The following CBFA2T2 variants were observed in gnomAD, a reference collection of about 807,000 sequenced individuals.
The protein encoded by CBFA2T2 is protein CBFA2T2.
In CBFA2T2, 11 loss-of-function variants were observed where a neutral mutation model predicts 62.2. The ratio of observed to expected loss-of-function variants is 0.18; its 90% CI spans 0.11 to 0.29. The LOEUF (loss-of-function observed/expected upper bound fraction) is 0.29, where lower values mean the gene tolerates loss of function less well. CBFA2T2 is among the 10% of genes least tolerant of loss of function. The pLI is 1.00. For synonymous variants in CBFA2T2, 295 were observed against 287.5 expected, an observed-to-expected ratio of 1.03 and a Z score of -0.27; for missense variants, 592 against 774.1, an observed-to-expected ratio of 0.76 and a Z score of 2.79.
intron 1 of CBFA2T2, among the ~76,000 whole-genome samples, chr20:33,544,329 C>CT (rs2012478297): frequency 6.6e-6 from 1 of 152,106 alleles, no homozygotes; most frequent in East Asian, 1.9e-4. Flanking sequence ...CTAGACAATT[C>CT]TTTTTTCACC....
chr20:33,575,975 G>A (rs2013807036), intron 1 of CBFA2T2, among the ~76,000 whole-genome samples: 1 of 151,394 alleles, frequency 6.6e-6, no homozygotes, highest in Non-Finnish European at 1.5e-5. Flanking sequence ...TTTTAGTAGA[G>A]ACGGGGTTTC....
At chr20:33,631,975 A>G (rs576193948) in intron 8 of CBFA2T2, among the ~76,000 whole-genome samples, 4 of 152,226 alleles carry the variant, frequency 2.6e-5, no homozygotes, top group Non-Finnish European at 5.9e-5. Flanking sequence ...TGATTACATG[A>G]GGAGCTTGGG....
chr20:33,506,137 G>T (rs540201436), intron 1 of CBFA2T2, among the ~76,000 whole-genome samples: 4 of 152,136 alleles, frequency 2.6e-5, no homozygotes, highest in African/African-American at 7.2e-5. Context: ...GCTGGGTATG[G>T]TGGCTCAAGC....
chr20:33,529,781 A>G (rs1448895761), intron 1 of CBFA2T2, among the ~76,000 whole-genome samples: 1 of 50,316 alleles, frequency 2.0e-5, no homozygotes, highest in Non-Finnish European at 4.6e-5. Flanking sequence ...ATATATATAT[A>G]TTTCTTTTTT....
chr20:33,620,989 G>C (rs2015938977), intron 4 of CBFA2T2, among the ~76,000 whole-genome samples: 1 of 152,098 alleles, frequency 6.6e-6, no homozygotes, highest in African/African-American at 2.4e-5. Flanking sequence ...ACTTGGGAGG[G>C]AGCATAGTTC....
chr20:33,635,396 G>A (rs994721257), intron 8 of CBFA2T2, among the ~76,000 whole-genome samples: 1 of 152,188 alleles, frequency 6.6e-6, no homozygotes, highest in African/African-American at 2.4e-5. Context: ...CACAAGAAAG[G>A]AAGGAAAGGA....
At chr20:33,537,090 G>T (rs551442048) in intron 1 of CBFA2T2, among the ~76,000 whole-genome samples, 1 of 152,342 alleles carries the variant, frequency 6.6e-6, no homozygotes, top group East Asian at 1.9e-4. Context: ...CGGGGTGGTG[G>T]CCGGGCAGAG....
Position 33,570,845 on chromosome 20 carries a change from A to G in CBFA2T2, c.35-36111A>G, listed in dbSNP as rs2013533531. On this transcript the variant is annotated intron_variant, in intron 1 of 10. Coordinates refer to ENST00000342704, the MANE Select transcript of CBFA2T2 (RefSeq NM_001032999.3). ...TCTCATTCCTAGGGCTAATGCCACAATGAAACTGGAAATAAGTTTTCTTGC... is the reference window on the plus strand; with the variant it reads ...TCTCATTCCTAGGGCTAATGCCACAGTGAAACTGGAAATAAGTTTTCTTGC... 1.3e-5 allele frequency among the ~76,000 whole-genome samples: 2 copies of G among 152,344 alleles called. 1 individual carries two copies. Among genetic ancestry groups the G allele is most frequent in the South Asian group, 4.1e-4 (2 of 4,828 alleles).
intron 1 of CBFA2T2, among the ~76,000 whole-genome samples, chr20:33,529,885 A>G (rs1211690261): frequency 3.3e-5 from 5 of 149,978 alleles, no homozygotes; most frequent in South Asian, 2.1e-4. Context: ...CCTGGGTTCA[A>G]TTGATTCTCC....
intron 3 of CBFA2T2, among the ~76,000 whole-genome samples, chr20:33,616,408 A>T (rs1449910163): frequency 2.6e-5 from 4 of 152,212 alleles, no homozygotes; most frequent in Non-Finnish European, 5.9e-5. Flanking sequence ...ATGAAAATAC[A>T]CATATGGCAA....
intron 1 of CBFA2T2, among the ~76,000 whole-genome samples, chr20:33,496,259 G>A (rs2146843383): frequency 6.6e-6 from 1 of 152,274 alleles, no homozygotes; most frequent in East Asian, 1.9e-4. Flanking sequence ...GGACCTACAG[G>A]GAACCTGATT....
chr20:33,606,352 G>C (rs1390984445), intron 1 of CBFA2T2, among the ~76,000 whole-genome samples: 1 of 152,108 alleles, frequency 6.6e-6, no homozygotes, highest in African/African-American at 2.4e-5. Context: ...TCTTGACCTT[G>C]TTTCCTCATT....
chr20:33,529,746 TATATATATATATA>T (rs1483110718), intron 1 of CBFA2T2, among the ~76,000 whole-genome samples: 20,117 of 129,172 alleles, frequency 0.16, 2,518 homozygotes, highest in South Asian at 0.25. Flanking sequence ...AAAGCAGTTA[TATATATATATATA>T]TATATATATA....
At chr20:33,592,152 C>T (rs1357848322) in intron 1 of CBFA2T2, among the ~76,000 whole-genome samples, 1 of 151,900 alleles carries the variant, frequency 6.6e-6, no homozygotes, top group East Asian at 1.9e-4. Flanking sequence ...CACGTGATAT[C>T]AGGAGTTTGA....
In CBFA2T2 at chr20:33,490,244, G is replaced by A; in HGVS notation, c.-24G>A. On this transcript the variant is annotated 5_prime_UTR_variant, in exon 1 of 11. Coordinates refer to ENST00000342704, the MANE Select transcript of CBFA2T2 (RefSeq NM_001032999.3). ...ACCCGTGTCGCGGGTAGAGGCGGGC[G>A]GCGCGCGGCGGCGGCGCTCGGCGAT... 1.6e-6 allele frequency: 2 copies of A among 1,231,674 alleles called. No individual in the cohort carries two copies. The highest frequency in any genetic ancestry group is 1.0e-6 in the Non-Finnish European group (1 of 987,252). 76.3% of individuals were successfully genotyped at this position (1,231,674 alleles called of 1,614,324 possible).
At chr20:33,607,675 C>T (rs1040010671) in intron 2 of CBFA2T2, among the ~76,000 whole-genome samples, 6 of 152,126 alleles carry the variant, frequency 3.9e-5, no homozygotes, top group African/African-American at 1.4e-4. Context: ...GTCTTTCCTC[C>T]ATTTTGCGTC....
At chr20:33,613,078 A>G (rs2015585378) in intron 3 of CBFA2T2, among the ~76,000 whole-genome samples, 1 of 152,258 alleles carries the variant, frequency 6.6e-6, no homozygotes, top group Non-Finnish European at 1.5e-5. Flanking sequence ...ATCTCAAAAC[A>G]TAAATTTAAA....
intron 1 of CBFA2T2, among the ~76,000 whole-genome samples, chr20:33,510,403 G>A (rs907928008): frequency 6.6e-6 from 1 of 151,194 alleles, no homozygotes; most frequent in African/African-American, 2.4e-5. Context: ...TAGTAGAGAC[G>A]GGGTTTCAGT....
Position 33,494,241 on chromosome 20 carries a change from GTGTATATATATA to G in CBFA2T2, c.34+3942_34+3953del, listed in dbSNP as rs1439923122. Among the ~76,000 whole-genome samples the G allele has an allele frequency of 2.9e-3, 121 of 41,890 alleles. 8 individuals are homozygous for G. Among genetic ancestry groups the G allele is most frequent in the African/African-American group, 8.3e-3 (93 of 11,270 alleles). 27.5% of individuals were successfully genotyped at this position (41,890 alleles called of 152,430 possible). On this transcript the variant is annotated intron_variant, in intron 1 of 10. Transcript: ENST00000342704. ...TGTACTATGTATTAGGCATATATAT[GTGTATATATATA>G]TATATATATATATATATATATTTTT... is the stretch of plus-strand genomic sequence containing the variant.
Sources: gnomAD v4.1 joint callset for allele counts (sites outside exome capture counted in the v4.1 genomes callset) on GRCh38, gnomAD v4.1.1 for gene constraint, MANE v1.5 for transcripts, NCBI Gene and HGNC (gene_info 2026-07-23, HGNC 2026-07-21) for gene names.